Variants in PRR12 observed in about 807,000 individuals in gnomAD.
PRR12 encodes the protein proline-rich protein 12.
A neutral mutation model predicts 138.0 loss-of-function variants in PRR12; 12 were observed. The ratio of observed to expected loss-of-function variants is 0.09; its 90% CI spans 0.06 to 0.14. The LOEUF is 0.14. Among genes scored for constraint, PRR12 ranks in the 10% least tolerant of loss-of-function variants. PRR12 has a pLI of 1.00. For missense variants in PRR12, 2,692 were observed against 2,861.3 expected, an observed-to-expected ratio of 0.94 and a Z score of 1.35; for synonymous variants, 1,567 against 1,291.7, an observed-to-expected ratio of 1.21 and a Z score of -4.57.
intron 8 of PRR12, 110 bp from the exon 9 acceptor site, chr19:49,615,637 G>A: frequency 2.3e-6 from 2 of 853,666 alleles, no homozygotes; most frequent in Non-Finnish European, 3.6e-6. Context: ...GAGAGGAGGG[G>A]ACAGTATGAG....
At chr19:49,618,720 A>G (rs576224520) in intron 9 of PRR12, among the ~76,000 whole-genome samples, 24 of 151,662 alleles carry the variant, frequency 1.6e-4, no homozygotes, top group African/African-American at 5.3e-4. Context: ...TGTCGCCCCC[A>G]CAGCTGGGCA....
chr19:49,614,177 A>G lies in PRR12; in HGVS notation c.4774-356A>G, dbSNP rs550853049. Among the ~76,000 whole-genome samples, 1 of 152,316 alleles carries G rather than the reference A, an allele frequency of 6.6e-6. No individual in the cohort carries two copies. Among genetic ancestry groups the G allele is most frequent in the Non-Finnish European group, 1.5e-5 (1 of 68,030 alleles). On this transcript the variant is annotated intron_variant, in intron 6 of 13. Transcript: ENST00000418929. This position sits in a 1 kb window ranked among gnomAD's most constrained non-coding sequence, Gnocchi z 5.0. ...CAGACCACAACAGGACGTCTTGCTCACAACCGTACTCTCCTGTCCAGCACA... is the reference window on the plus strand; with the variant it reads ...CAGACCACAACAGGACGTCTTGCTCGCAACCGTACTCTCCTGTCCAGCACA...
chr19:49,594,614 A>G lies in PRR12; in HGVS notation c.360A>G (p.Thr120=), dbSNP rs760770592. The G allele has an allele frequency of 1.2e-6, 2 of 1,611,688 alleles. No homozygotes were observed. Among genetic ancestry groups the G allele is most frequent in the Non-Finnish European group, 1.7e-6 (2 of 1,179,496 alleles). The change falls in exon 3 of 14, where the codon ACA becomes ACG. Residue 120 remains threonine, a splice_region_variant and synonymous_variant. Transcript: ENST00000418929. This position sits in a 1 kb window ranked among gnomAD's most constrained non-coding sequence, Gnocchi z 5.6. ...AGTTCCGCAGTCCTTCCTGGCAAACAGGTAAGCCCAGCGCCGGCCCTGCAG... is the reference window on the plus strand; with the variant it reads ...AGTTCCGCAGTCCTTCCTGGCAAACGGGTAAGCCCAGCGCCGGCCCTGCAG... ...LSQFRSPSWQ[T]AMHTPGPTEL...
In PRR12 at chr19:49,601,739, G is replaced by C. The variant is rs752232342; in HGVS notation, c.4594G>C (p.Ala1532Pro). Residue 1532 changes from alanine to proline, a missense_variant, in exon 6 of 14, where the codon GCC becomes CCC. Coordinates refer to ENST00000418929, the MANE Select transcript of PRR12 (RefSeq NM_020719.3). ...PLAAPPEEPA[A>P]PSPEDPELPD... Reference sequence around the variant, plus strand: ...GGCTGCTCCTCCTGAGGAGCCCGCCGCCCCGTCTCCCGAAGACCCCGAGCT... The same window carrying C: ...GGCTGCTCCTCCTGAGGAGCCCGCCCCCCCGTCTCCCGAAGACCCCGAGCT... 2 of 1,552,436 alleles carry C rather than the reference G, an allele frequency of 1.3e-6. No individual in the cohort carries two copies. The highest frequency in any genetic ancestry group is 2.4e-5 in the South Asian group (2 of 84,640).
In PRR12 at chr19:49,618,957, T is replaced by C. The variant is rs188705207; in HGVS notation, c.5498-1395T>C. Among the ~76,000 whole-genome samples the C allele has an allele frequency of 3.3e-5, 5 of 151,994 alleles. No individual in the cohort carries two copies. The South Asian group carries it at 1.0e-3, about 32-fold the overall frequency. On this transcript the variant is annotated intron_variant, in intron 9 of 13. Transcript: ENST00000418929. ...TCTCAGCTCTCTCATGGCTCCCTAG[T>C]ACCCACCAGAAAAAGCCCTTGCCCT...
chr19:49,601,082 C>T (rs1419685219), intron 5 of PRR12, among the ~76,000 whole-genome samples: 1 of 152,024 alleles, frequency 6.6e-6, no homozygotes, highest in Non-Finnish European at 1.5e-5. Context: ...GAGAGGTTAG[C>T]AGTCTGCATA....
At chr19:49,619,298 C>T (rs1385816769) in intron 9 of PRR12, among the ~76,000 whole-genome samples, 1 of 133,364 alleles carries the variant, frequency 7.5e-6, no homozygotes, top group African/African-American at 2.9e-5. Context: ...TGCAGTTGTG[C>T]GATCTCAGCT....
chr19:49,601,605 C>T lies in PRR12; in HGVS notation c.4460C>T (p.Pro1487Leu), dbSNP rs373218764. ...CAGCCAGCCCTGCCCTCGCCACCCC[C>T]GCTGGTGGCCCCCACGCCCAGCTCA... The part of the protein sequence containing the change: ...PPQPALPSPP[P>L]LVAPTPSSPP... Residue 1487 changes from proline to leucine, a missense_variant, in exon 6 of 14, where the codon CCG becomes CTG. Around this residue, in one of 11 missense-constraint regions of PRR12, gnomAD observed 231 missense variants for 200.8 expected, o/e 1.15. Transcript: ENST00000418929. 272 of 1,543,530 alleles carry T rather than the reference C, an allele frequency of 1.8e-4. No homozygotes were observed. The highest frequency in any genetic ancestry group is 6.6e-4 in the Middle Eastern group (3 of 4,536).
Position 49,597,486 on chromosome 19 carries a change from C to T in PRR12, c.3151C>T (p.Pro1051Ser). 1.9e-6 allele frequency: 3 copies of T among 1,547,604 alleles called. No individual in the cohort carries two copies. The highest frequency in any genetic ancestry group is 1.4e-5 in the African/African-American group (1 of 73,162). Residue 1051 changes from proline (P) to serine (S), a missense_variant, in exon 4 of 14, where the codon CCG becomes TCG. This residue lies in a region of PRR12 where 840 missense variants were observed against 689.8 expected (regional missense o/e 1.22). Transcript: ENST00000418929. The surrounding 1 kb of genome is among the most constrained non-coding windows in gnomAD (Gnocchi z 6.3). ...GCCTCCGCCACCGCCGCCTCCCGCG[C>T]CGGCCTCCGAACCCAAGGGTGGCCT... ...PPPPPPPPPA[P>S]ASEPKGGLTS...
chr19:49,596,853 C>T lies in PRR12; in HGVS notation c.2518C>T (p.Pro840Ser), dbSNP rs765311330. 1.3e-6 allele frequency: 2 copies of T among 1,575,598 alleles called. No individual in the cohort carries two copies. Among genetic ancestry groups the T allele is most frequent in the Non-Finnish European group, 1.7e-6 (2 of 1,167,220 alleles). ...GGCACCCCAGCCACCTCCACCGCCA[C>T]CCCCGCCTCCACCACCCATGCCCCT... is the stretch of plus-strand genomic sequence containing the variant. ...DGAPQPPPPP[P>S]PPPPPMPLQL... Residue 840 changes from proline (P) to serine (S), a missense_variant, in exon 4 of 14, where the codon CCC becomes TCC. By Grantham distance (74) the Pro-to-Ser change is moderately conservative (BLOSUM62 -1). Transcript: ENST00000418929. The surrounding 1 kb of genome is among the most constrained non-coding windows in gnomAD (Gnocchi z 5.6).
At position 49,601,754 on chromosome 19, in the gene PRR12, G is replaced by A; in HGVS notation, c.4609G>A (p.Asp1537Asn). 1.9e-6 allele frequency: 3 copies of A among 1,576,546 alleles called. No homozygotes were observed. Among genetic ancestry groups the A allele is most frequent in the Non-Finnish European group, 2.6e-6 (3 of 1,163,956 alleles). ...PEEPAAPSPE[D>N]PELPDTRPLH... ...GGAGCCCGCCGCCCCGTCTCCCGAA[G>A]ACCCCGAGCTGCCGGACACCCGGCC... Residue 1537 changes from aspartate (D) to asparagine (N), a missense_variant, in exon 6 of 14, where the codon GAC becomes AAC. Coordinates refer to ENST00000418929, the MANE Select transcript of PRR12 (RefSeq NM_020719.3).
chr19:49,610,449 C>T (rs1262599943), intron 6 of PRR12, among the ~76,000 whole-genome samples: 1 of 152,080 alleles, frequency 6.6e-6, no homozygotes, highest in Non-Finnish European at 1.5e-5. Flanking sequence ...TGGCTGAGTG[C>T]AGTGGCCCAC....
chr19:49,621,448 C>A, intron 10 of PRR12, 77 bp from the exon 11 acceptor site: 1 of 1,180,010 alleles, frequency 8.5e-7, no homozygotes, highest in Non-Finnish European at 1.2e-6. Context: ...TTTGGGGACC[C>A]AGACTCCATG....
Position 49,593,397 on chromosome 19 carries a change from C to A in PRR12, c.157C>A (p.Pro53Thr). 4 of 1,611,922 alleles carry A rather than the reference C, an allele frequency of 2.5e-6. No individual in the cohort carries two copies. The highest frequency in any genetic ancestry group is 2.2e-5 in the East Asian group (1 of 44,798). ...DILHRQAYAA[P>T]HPLQSYATNH... is the part of the protein sequence containing the mutation. ...CTTACACCGCCAGGCCTATGCGGCC[C>A]CCCACCCACTGCAAAGCTATGCCAC... The change falls in exon 2 of 14, where the codon CCC becomes ACC. Residue 53 changes from proline to threonine, a missense_variant. This residue lies in a region of PRR12 where 211 missense variants were observed against 266.3 expected (regional missense o/e 0.79). Coordinates refer to ENST00000418929, the MANE Select transcript of PRR12 (RefSeq NM_020719.3).
intron 6 of PRR12, among the ~76,000 whole-genome samples, chr19:49,610,374 A>T (rs903270516): frequency 2.0e-5 from 3 of 152,116 alleles, no homozygotes; most frequent in Non-Finnish European, 2.9e-5. Flanking sequence ...AGCTTGTCGC[A>T]GTTCAGTTTC....
Position 49,599,935 on chromosome 19 carries a change from C to T in PRR12, c.4342C>T (p.Pro1448Ser). 2 of 1,597,792 alleles carry T rather than the reference C, an allele frequency of 1.3e-6. No individual in the cohort carries two copies. Among genetic ancestry groups the T allele is most frequent in the South Asian group, 2.2e-5 (2 of 89,446 alleles). Residue 1448 changes from proline (P) to serine (S), a missense_variant, in exon 5 of 14, where the codon CCC (proline) becomes TCC (serine). Physicochemically the swap from Pro to Ser is moderately conservative, Grantham distance 74. Around this residue, in one of 11 missense-constraint regions of PRR12, gnomAD observed 231 missense variants for 200.8 expected, o/e 1.15. Transcript: ENST00000418929. This position sits in a 1 kb window ranked among gnomAD's most constrained non-coding sequence, Gnocchi z 5.0. ...GLPSANSNGT[P>S]EPPLLEEKPP... Reference sequence around the variant, plus strand: ...CCCCAGTGCCAACAGCAATGGCACTCCCGGTGAGCTCTGGGCAGGTGGTCT... The same window carrying T: ...CCCCAGTGCCAACAGCAATGGCACTTCCGGTGAGCTCTGGGCAGGTGGTCT...
At chr19:49,619,685 GCATGCACCA>G (rs1279377723) in intron 9 of PRR12, among the ~76,000 whole-genome samples, 1 of 149,810 alleles carries the variant, frequency 6.7e-6, no homozygotes, top group East Asian at 2.0e-4. Context: ...GGGATTACAG[GCATGCACCA>G]CCATGCCCGG....
intron 11 of PRR12, 98 bp downstream of exon 11, chr19:49,621,720 G>A (rs2080924650): frequency 3.0e-6 from 3 of 995,058 alleles, no homozygotes; most frequent in South Asian, 1.4e-5. Flanking sequence ...ATCCTTGGAA[G>A]GAGATCGTCC....
At chr19:49,624,745 A>T (rs2080945691) in intron 11 of PRR12, 99 bp from the exon 12 acceptor site, 1 of 1,507,110 alleles carries the variant, frequency 6.6e-7, no homozygotes. Context: ...CCTGATCTGC[A>T]GCCTGGGGGA....
Sources: allele counts gnomAD v4.1 joint callset (sites outside exome capture counted in the v4.1 genomes callset), GRCh38; gene constraint gnomAD v4.1.1; regional missense constraint gnomAD v4.1.1; non-coding constraint Gnocchi (gnomAD v3.1); transcripts MANE v1.5; gene names NCBI Gene and HGNC (gene_info 2026-07-23, HGNC 2026-07-21).